The following TPTE2 variants were observed in gnomAD, a reference collection of about 807,000 sequenced individuals.
TPTE2 encodes the protein transmembrane phosphoinositide 3-phosphatase and tensin homolog 2, also known as phosphatidylinositol 3,4,5-trisphosphate 3-phosphatase TPTE2.
TPTE2 carries 53 observed loss-of-function variants against 78.6 expected under a neutral mutation model. That is an observed-to-expected ratio of 0.67 (90% CI 0.54 to 0.85). The LOEUF is 0.85. TPTE2 is among the 40% of genes least tolerant of loss of function. TPTE2 has a pLI of 0.00. For missense variants in TPTE2, 461 were observed against 623.0 expected, an observed-to-expected ratio of 0.74 and a Z score of 2.77; for synonymous variants, 175 against 206.2, an observed-to-expected ratio of 0.85 and a Z score of 1.30.
the TPTE2 span, among the ~76,000 whole-genome samples, chr13:19,547,552 T>C: frequency 6.6e-6 from 1 of 151,874 alleles, no homozygotes. Flanking sequence ...CACAAGAACA[T>C]GTGTAAAAGG....
rs546151555 is a variant in TPTE2, at chr13:19,518,610, A to G, written c.-43-15333T>C. Among the ~76,000 whole-genome samples the G allele has an allele frequency of 3.9e-5, 6 of 152,326 alleles. No individual in the cohort carries two copies. The South Asian group carries it at 1.0e-3, about 26-fold the overall frequency. On this transcript the variant is annotated intron_variant, in intron 1 of 17. Transcript: ENST00000390680. ...AAATTTGAAAGATGGCATGTTGACA[A>G]AGATAGAGAGAAACTGAAACTCTCA... is the stretch of plus-strand genomic sequence containing the variant.
At chr13:19,497,539 C>G (rs9508195) in intron 1 of TPTE2, among the ~76,000 whole-genome samples, 2,292 of 60,508 alleles carry the variant, frequency 0.038, 187 homozygotes, top group African/African-American at 0.039. Flanking sequence ...AGCAGGGGCA[C>G]ACTGACACCT....
the TPTE2 span, among the ~76,000 whole-genome samples, chr13:19,547,720 C>CATACATATAT: frequency 2.8e-4 from 33 of 118,864 alleles, no homozygotes; most frequent in East Asian, 2.8e-3. Context: ...AATAAATATA[C>CATACATATAT]ATATATATAT....
intron 13 of TPTE2, among the ~76,000 whole-genome samples, chr13:19,439,850 CAT>C (rs202092124): frequency 0.024 from 3,706 of 152,184 alleles, 60 homozygotes; most frequent in Middle Eastern, 0.051. Context: ...AAGTAGAAAA[CAT>C]AATTTCAGAG....
rs1486919002 is a variant in TPTE2, at chr13:19,449,677, T to C, written c.973+399A>G. On this transcript the variant is annotated intron_variant, in intron 13 of 19. Transcript: ENST00000400230. ...AAAACATCATGTTGTACACCATAAA[T>C]ATATTGATTTTTTTGTTAATTTAAA... 2.0e-5 allele frequency among the ~76,000 whole-genome samples: 3 copies of C among 152,196 alleles called. No individual in the cohort carries two copies. The East Asian group carries it at 5.8e-4, about 29-fold the overall frequency.
chr13:19,430,740 CA>C (rs1240116197), intron 16 of TPTE2, among the ~76,000 whole-genome samples, 193 bp from the exon 20 acceptor site: 2 of 152,174 alleles, frequency 1.3e-5, no homozygotes, highest in Admixed American at 1.3e-4. Context: ...TCTCCTAAAG[CA>C]GATTTTATAA....
At chr13:19,426,517 T>G (rs1387281011) in exon 18 of TPTE2, 9 of 1,530,640 alleles carry the variant, frequency 5.9e-6, no homozygotes, top group Admixed American at 3.3e-5. Context: ...TCATGCAATA[T>G]CTATGAATGA....
At chr13:19,513,172 C>T (rs981350437) in intron 1 of TPTE2, among the ~76,000 whole-genome samples, 1 of 152,170 alleles carries the variant, frequency 6.6e-6, no homozygotes, top group African/African-American at 2.4e-5. Flanking sequence ...TATTTGAACA[C>T]ATGAAGCTTA....
rs1336632386 is a variant in TPTE2, at chr13:19,497,135, T to G, written c.12-3634A>C. 1.7e-4 allele frequency among the ~76,000 whole-genome samples: 26 copies of G among 151,726 alleles called. 1 individual carries two copies. Among genetic ancestry groups the G allele is most frequent in the South Asian group, 1.3e-3 (6 of 4,682 alleles). ...ACCGCGAGATTATATCCCGCACCTG[T>G]CTTGGAGGGTCCTACGCCCACGGAG... On this transcript the variant is annotated intron_variant, in intron 1 of 19. Transcript: ENST00000400230.
At chr13:19,522,514 T>C (rs1237612844) in intron 1 of TPTE2, among the ~76,000 whole-genome samples, 2 of 152,130 alleles carry the variant, frequency 1.3e-5, no homozygotes, top group Admixed American at 1.3e-4. Context: ...ATTAAATTTG[T>C]AGGTGGAAGA....
chr13:19,557,649 T>TG, the TPTE2 span, among the ~76,000 whole-genome samples: 3 of 152,124 alleles, frequency 2.0e-5, no homozygotes, highest in Non-Finnish European at 4.4e-5. Context: ...CTTCCCAGTT[T>TG]GGGGGGATGT....
In TPTE2 at chr13:19,424,928, G is replaced by A. The variant is rs1875906719; in HGVS notation, c.1466+19C>T. 7.1e-7 allele frequency: 1 copy of A among 1,401,212 alleles called. No homozygotes were observed. Among genetic ancestry groups the A allele is most frequent in the African/African-American group, 1.5e-5 (1 of 67,836 alleles). 86.8% of individuals were successfully genotyped at this position (1,401,212 alleles called of 1,614,324 possible). On this transcript the variant is annotated intron_variant, in intron 19 of 19. Coordinates refer to ENST00000400230, the Ensembl canonical transcript of TPTE2. ...ATTGAAGATTAGGCTGTTTCTATGGGTTTCTATTATATTCATACCTGTTAT... is the reference window on the plus strand; with the variant it reads ...ATTGAAGATTAGGCTGTTTCTATGGATTTCTATTATATTCATACCTGTTAT...
At chr13:19,549,994 C>A in the TPTE2 span, among the ~76,000 whole-genome samples, 1 of 97,588 alleles carries the variant, frequency 1.0e-5, no homozygotes. Flanking sequence ...GCACTGGGGC[C>A]TATTCGAGGG....
At chr13:19,441,168 A>C (rs1468722761) in intron 13 of TPTE2, among the ~76,000 whole-genome samples, 2 of 152,136 alleles carry the variant, frequency 1.3e-5, no homozygotes, top group African/African-American at 4.8e-5. Flanking sequence ...ATACAGGAAC[A>C]AAAAACCAAA....
chr13:19,531,137 A>T (rs778050777), intron 1 of TPTE2, among the ~76,000 whole-genome samples: 1 of 152,158 alleles, frequency 6.6e-6, no homozygotes, highest in Non-Finnish European at 1.5e-5. Flanking sequence ...ACTTAGTATA[A>T]TGTCCTCAAG....
chr13:19,451,134 A>G, intron 11 of TPTE2, 31 bp downstream of exon 14: 2 of 1,608,504 alleles, frequency 1.2e-6, no homozygotes, highest in Non-Finnish European at 1.7e-6. Flanking sequence ...TTTTCTACCT[A>G]CAGTAGCAAA....
intron 16 of TPTE2, among the ~76,000 whole-genome samples, chr13:19,431,528 TTAA>T (rs1467129966): frequency 7.2e-4 from 110 of 152,348 alleles, no homozygotes; most frequent in African/African-American, 2.6e-3. Flanking sequence ...AACAAATATT[TTAA>T]TAAACTAGTG....
At chr13:19,436,232 A>G (rs750860367) in exon 15 of TPTE2, 1 of 1,611,358 alleles carries the variant, frequency 6.2e-7, no homozygotes, top group South Asian at 1.1e-5. Context: ...TTACCTGAGA[A>G]GGAGTTTCTA....
At chr13:19,479,523 AAAG>A (rs200418820) in intron 4 of TPTE2, among the ~76,000 whole-genome samples, 1,624 of 152,322 alleles carry the variant, frequency 0.011, 26 homozygotes, top group African/African-American at 0.037. Context: ...TAATAAAGAA[AAAG>A]ATGATAAATA....
Sources: allele counts gnomAD v4.1 joint callset (sites outside exome capture counted in the v4.1 genomes callset), GRCh38; gene constraint gnomAD v4.1.1; transcripts MANE v1.5; gene names NCBI Gene and HGNC (gene_info 2026-07-23, HGNC 2026-07-21).